MDGA2: variants seen among roughly 807,000 people sequenced by gnomAD.
MDGA2 encodes MAM domain-containing glycosylphosphatidylinositol anchor protein 2.
A neutral mutation model predicts 117.8 loss-of-function variants in MDGA2; 40 were observed. The observed-to-expected ratio is 0.34, with a 90% CI of 0.26 to 0.44. MDGA2 has a LOEUF of 0.44. MDGA2 is among the 20% of genes least tolerant of loss of function. The pLI is 1.00. For missense variants in MDGA2, 1,123 were observed against 1,250.6 expected, an observed-to-expected ratio of 0.90 and a Z score of 1.54; for synonymous variants, 452 against 439.0, an observed-to-expected ratio of 1.03 and a Z score of -0.37.
At chr14:47,654,825 A>G (rs1186062617) in intron 1 of MDGA2, among the ~76,000 whole-genome samples, 2 of 152,124 alleles carry the variant, frequency 1.3e-5, no homozygotes, top group African/African-American at 4.8e-5. Flanking sequence ...AGGCAGATTT[A>G]GCCAATAAGT....
chr14:47,214,828 T>C (rs1886025588), intron 3 of MDGA2, among the ~76,000 whole-genome samples: 2 of 152,114 alleles, frequency 1.3e-5, no homozygotes, highest in African/African-American at 2.4e-5. Flanking sequence ...TTTTCACTAT[T>C]ATAAAAGCTC....
At chr14:47,325,198 T>C (rs1890108338) in intron 1 of MDGA2, among the ~76,000 whole-genome samples, 1 of 152,156 alleles carries the variant, frequency 6.6e-6, no homozygotes, top group East Asian at 1.9e-4. Flanking sequence ...CTGACTGATC[T>C]CTCAACTAAA....
chr14:46,854,712 A>AT (rs548310682), intron 15 of MDGA2, among the ~76,000 whole-genome samples: 9 of 151,244 alleles, frequency 6.0e-5, no homozygotes, highest in African/African-American at 1.5e-4. Context: ...ACTTATAATA[A>AT]TTTTTTTTTC....
intron 3 of MDGA2, among the ~76,000 whole-genome samples, chr14:47,168,808 G>T (rs1312810184): frequency 6.6e-6 from 1 of 151,940 alleles, no homozygotes; most frequent in Non-Finnish European, 1.5e-5. Context: ...ATGCTAATAA[G>T]GCTAATGGAA....
chr14:47,128,755 C>T (rs922523674), intron 5 of MDGA2, among the ~76,000 whole-genome samples: 37 of 148,796 alleles, frequency 2.5e-4, no homozygotes, highest in Non-Finnish European at 3.5e-4. Flanking sequence ...AGTGCAGTGG[C>T]GCTATCTCAG....
chr14:47,061,069 T>A (rs1466098606), intron 7 of MDGA2, among the ~76,000 whole-genome samples, 180 bp downstream of exon 7: 1 of 152,004 alleles, frequency 6.6e-6, no homozygotes, highest in Non-Finnish European at 1.5e-5. Flanking sequence ...TAAATCTAAA[T>A]CAAAACTGAT....
chr14:47,568,962 T>C lies in MDGA2; in HGVS notation c.280+105555A>G, dbSNP rs79588663. 8.2e-4 allele frequency among the ~76,000 whole-genome samples: 125 copies of C among 152,242 alleles called. No homozygotes were observed. The East Asian group carries it at 0.023, about 28-fold the overall frequency. ...AACATAAAATTAATGTCTTTTTTTT[T>C]TTTAACAGAGTCTCAGTATGTTGCC... On this transcript the variant is annotated intron_variant, in intron 1 of 16. Transcript: ENST00000399232.
intron 8 of MDGA2, among the ~76,000 whole-genome samples, chr14:47,033,943 T>C (rs1888751154): frequency 6.6e-6 from 1 of 152,204 alleles, no homozygotes; most frequent in South Asian, 2.1e-4. Flanking sequence ...AAGTCTAATA[T>C]AAAAATAGAC....
intron 8 of MDGA2, among the ~76,000 whole-genome samples, chr14:46,964,919 C>CTTTTTTTTTT (rs746778179): frequency 0.015 from 1,302 of 89,742 alleles, 276 homozygotes; most frequent in African/African-American, 0.067. Flanking sequence ...TATATATTTA[C>CTTTTTTTTTT]TTTTTTTTTT....
At chr14:47,517,907 C>G (rs1382735769) in intron 1 of MDGA2, among the ~76,000 whole-genome samples, 1 of 152,102 alleles carries the variant, frequency 6.6e-6, no homozygotes, top group African/African-American at 2.4e-5. Context: ...TAAATTTCCT[C>G]ACTTTGTAAT....
intron 6 of MDGA2, among the ~76,000 whole-genome samples, chr14:47,084,597 G>A (rs1246925029): frequency 1.3e-5 from 2 of 151,690 alleles, no homozygotes; most frequent in African/African-American, 2.4e-5. Context: ...CATTTCTTTT[G>A]TTGTAACCCT....
chr14:47,088,966 C>T (rs1329117605), intron 6 of MDGA2, among the ~76,000 whole-genome samples: 3 of 152,070 alleles, frequency 2.0e-5, no homozygotes, highest in African/African-American at 7.2e-5. Flanking sequence ...ATTATGTCCA[C>T]CATTACTGGA....
chr14:47,226,317 A>C (rs1199077683), intron 2 of MDGA2, among the ~76,000 whole-genome samples: 1 of 152,096 alleles, frequency 6.6e-6, no homozygotes, highest in African/African-American at 2.4e-5. Flanking sequence ...ACTATGCGGA[A>C]AACAGAATGA....
chr14:46,926,767 A>G (rs1278809213), intron 9 of MDGA2, among the ~76,000 whole-genome samples: 2 of 152,174 alleles, frequency 1.3e-5, no homozygotes, highest in African/African-American at 4.8e-5. Context: ...ATATAAATTT[A>G]TTTTATGTTT....
chr14:47,651,862 G>A (rs1447489518), intron 1 of MDGA2, among the ~76,000 whole-genome samples: 2 of 152,184 alleles, frequency 1.3e-5, no homozygotes, highest in African/African-American at 2.4e-5. Flanking sequence ...GTGGACCTGG[G>A]TGACTTAATG....
intron 2 of MDGA2, among the ~76,000 whole-genome samples, chr14:47,269,209 T>TTTTTTTGG (rs1166963365): frequency 2.0e-5 from 3 of 152,298 alleles, no homozygotes; most frequent in Middle Eastern, 3.4e-3. Context: ...CCTAAGCATT[T>TTTTTTTGG]TTTTTTGGTG....
intron 1 of MDGA2, among the ~76,000 whole-genome samples, chr14:47,317,700 C>T (rs1889849913): frequency 6.6e-6 from 1 of 151,958 alleles, no homozygotes; most frequent in Non-Finnish European, 1.5e-5. Context: ...AGTAAAAAAC[C>T]ACAAGACTGT....
intron 1 of MDGA2, among the ~76,000 whole-genome samples, chr14:47,635,839 T>TTTG (rs1897312138): frequency 6.6e-6 from 1 of 152,054 alleles, no homozygotes; most frequent in African/African-American, 2.4e-5. Context: ...AGTGTAGGTT[T>TTTG]AATACAAGCA....
At chr14:47,059,153 T>C (rs1450230300) in intron 7 of MDGA2, 14 of 838,084 alleles carry the variant, frequency 1.7e-5, no homozygotes, top group Non-Finnish European at 2.1e-5. Context: ...GGTGTATGCA[T>C]AAATTAGTCA....
Sources: allele counts gnomAD v4.1 joint callset (sites outside exome capture counted in the v4.1 genomes callset), GRCh38; gene constraint gnomAD v4.1.1; transcripts MANE v1.5; gene names NCBI Gene and HGNC (gene_info 2026-07-23, HGNC 2026-07-21).